Variants in MAPK10 observed in about 807,000 individuals in gnomAD.
The protein encoded by MAPK10 is JNK3 alpha protein kinase.
A neutral mutation model predicts 59.3 loss-of-function variants in MAPK10; 25 were observed. The ratio of observed to expected loss-of-function variants is 0.42; its 90% CI spans 0.31 to 0.59. The LOEUF (loss-of-function observed/expected upper bound fraction) is 0.59, where lower values mean the gene tolerates loss of function less well. Among genes scored for constraint, MAPK10 ranks in the 20% least tolerant of loss-of-function variants. MAPK10 has a pLI of 0.15. For missense variants in MAPK10, 351 were observed against 568.9 expected (o/e 0.62, Z 3.90); for synonymous variants, 190 against 200.5 (o/e 0.95, Z 0.44).
chr4:86,523,665 C>T (rs1195374097), intron 1 of MAPK10, among the ~76,000 whole-genome samples: 2 of 152,220 alleles, frequency 1.3e-5, no homozygotes, highest in Non-Finnish European at 2.9e-5. Flanking sequence ...TCAGGAGATA[C>T]ATGTCTTCAC....
At chr4:86,314,564 C>A (rs1181895892) in intron 2 of MAPK10, among the ~76,000 whole-genome samples, 2 of 152,104 alleles carry the variant, frequency 1.3e-5, no homozygotes, top group African/African-American at 4.8e-5. Context: ...ACCTCTTTTT[C>A]TTCCCAGTCG....
Position 86,168,465 on chromosome 4 carries a change from C to T in MAPK10, c.67-8998G>A, listed in dbSNP as rs375000107. On this transcript the variant is annotated intron_variant, in intron 3 of 13. Coordinates refer to ENST00000641462, the MANE Select transcript of MAPK10 (RefSeq NM_138982.4). ...CACGGAGTCTCGCTGATTGCTAGCA[C>T]AGCAGTCTGAGATCAAACTGCAAGG... is the stretch of plus-strand genomic sequence containing the variant. Among the ~76,000 whole-genome samples the T allele has an allele frequency of 2.6e-5, 4 of 152,198 alleles. No individual in the cohort carries two copies. The South Asian group carries it at 6.2e-4, about 24-fold the overall frequency.
intron 1 of MAPK10, among the ~76,000 whole-genome samples, chr4:86,489,894 T>G (rs1418569792): frequency 2.6e-5 from 4 of 152,094 alleles, no homozygotes; most frequent in Non-Finnish European, 5.9e-5. Flanking sequence ...ACACTTAAGC[T>G]CTTCAAAGGG....
intron 13 of MAPK10, 69 bp downstream of exon 13, chr4:86,029,128 C>T: frequency 1.0e-6 from 1 of 956,524 alleles, no homozygotes; most frequent in Non-Finnish European, 1.7e-6. Context: ...TTATTTCTTG[C>T]AACCCCTACA....
At position 86,582,672 on chromosome 4, in the gene MAPK10, C is replaced by A. The variant is rs559999752; in HGVS notation, c.-263+11238G>T. 9.9e-5 allele frequency among the ~76,000 whole-genome samples: 15 copies of A among 152,244 alleles called. No homozygotes were observed. The South Asian group carries it at 3.1e-3, about 32-fold the overall frequency. On this transcript the variant is annotated intron_variant, in intron 1 of 4. Transcript: ENST00000502302. The stretch of plus-strand genomic sequence containing the variant: ...CTGTGGGAAAAGAGAGAGGCAGTGG[C>A]CTGGCACTGATGACTGTCAAACAGG...
intron 1 of MAPK10, among the ~76,000 whole-genome samples, chr4:86,388,565 T>C (rs78147837): frequency 0.01 from 1,536 of 152,298 alleles, 15 homozygotes; most frequent in African/African-American, 0.027. Flanking sequence ...ATCTGTAGCT[T>C]GCTGCTTCTA....
At chr4:86,403,716 G>A (rs1246750622) in intron 1 of MAPK10, among the ~76,000 whole-genome samples, 1 of 152,096 alleles carries the variant, frequency 6.6e-6, no homozygotes, top group Non-Finnish European at 1.5e-5. Context: ...AATGCCAGAT[G>A]CTAATAAAAC....
intron 2 of MAPK10, among the ~76,000 whole-genome samples, chr4:86,334,830 A>C (rs1270346748): frequency 6.6e-6 from 1 of 152,150 alleles, no homozygotes; most frequent in East Asian, 1.9e-4. Context: ...GAAGGTTAGC[A>C]TGCAAATAAA....
intron 1 of MAPK10, among the ~76,000 whole-genome samples, chr4:86,507,615 G>GAGATATATATAT (rs1219957209): frequency 1.1e-4 from 4 of 35,654 alleles, no homozygotes; most frequent in Non-Finnish European, 2.1e-4. Flanking sequence ...ATAAACTGGA[G>GAGATATATATAT]ATATATATAT....
At chr4:86,382,905 T>C (rs1740958462) in intron 1 of MAPK10, among the ~76,000 whole-genome samples, 2 of 152,214 alleles carry the variant, frequency 1.3e-5, no homozygotes, top group South Asian at 2.1e-4. Context: ...CTTCTTCTAC[T>C]CTTGACTTGC....
intron 1 of MAPK10, among the ~76,000 whole-genome samples, chr4:86,444,868 G>A (rs1749847784): frequency 6.6e-6 from 1 of 152,116 alleles, no homozygotes; most frequent in East Asian, 1.9e-4. Context: ...ACCACAATGA[G>A]ATACCATCTC....
chr4:86,098,464 T>A, intron 9 of MAPK10, 60 bp downstream of exon 9: 1 of 1,607,788 alleles, frequency 6.2e-7, no homozygotes, highest in Non-Finnish European at 8.5e-7. Context: ...AAAATCATTA[T>A]GTGTTTAAAA....
chr4:86,400,963 C>G (rs552586220), intron 1 of MAPK10, among the ~76,000 whole-genome samples: 97 of 152,092 alleles, frequency 6.4e-4, no homozygotes, highest in Non-Finnish European at 9.9e-4. Context: ...AAATAAATGA[C>G]AAAATCAAAT....
chr4:86,191,591 TTG>T (rs2079864474), intron 3 of MAPK10: 1 of 114,208 alleles, frequency 8.8e-6, no homozygotes, highest in Non-Finnish European at 1.8e-5. Flanking sequence ...TTTTTTTTTT[TTG>T]CTTTCCATTT....
intron 9 of MAPK10, among the ~76,000 whole-genome samples, chr4:86,094,688 C>T (rs930361290): frequency 6.6e-6 from 1 of 151,808 alleles, no homozygotes; most frequent in African/African-American, 2.4e-5. Context: ...GTGGTGGAGG[C>T]AGTGAATGAC....
intron 1 of MAPK10, among the ~76,000 whole-genome samples, chr4:86,520,853 C>T (rs1757059621): frequency 6.6e-6 from 1 of 152,186 alleles, no homozygotes; most frequent in Non-Finnish European, 1.5e-5. Flanking sequence ...GGTTTCCTGA[C>T]AGCCAGACTG....
intron 1 of MAPK10, among the ~76,000 whole-genome samples, chr4:86,443,075 C>T: frequency 6.6e-6 from 1 of 152,016 alleles, no homozygotes. Flanking sequence ...GAACCAGTGC[C>T]CCAGCAGGAA....
chr4:86,503,393 AC>A (rs1353597316), intron 1 of MAPK10, among the ~76,000 whole-genome samples: 2 of 152,032 alleles, frequency 1.3e-5, no homozygotes, highest in African/African-American at 4.8e-5. Context: ...CTATCCTCAG[AC>A]TTTTTCATCT....
chr4:86,308,796 C>T (rs2095616976), intron 2 of MAPK10: 1 of 152,130 alleles, frequency 6.6e-6, no homozygotes, highest in Non-Finnish European at 1.5e-5. Context: ...AATAAATGAC[C>T]ATCTACCTTT....
Sources: gnomAD v4.1 joint callset for allele counts (sites outside exome capture counted in the v4.1 genomes callset) on GRCh38, gnomAD v4.1.1 for gene constraint, MANE v1.5 for transcripts, NCBI Gene and HGNC (gene_info 2026-07-23, HGNC 2026-07-21) for gene names.